PKIA: variants seen among roughly 807,000 people sequenced by gnomAD.
PKIA encodes PKI-alpha.
A neutral mutation model predicts 7.6 loss-of-function variants in PKIA; 4 were observed. That is an observed-to-expected ratio of 0.52 (90% CI 0.26 to 1.20). PKIA has a LOEUF of 1.20. PKIA is among the 50% of genes most tolerant of loss of function. The pLI is 0.13. For synonymous variants in PKIA, 21 were observed against 30.7 expected (o/e 0.68, Z 1.04); for missense variants, 73 against 86.2 (o/e 0.85, Z 0.61).
At chr8:78,528,745 T>A (rs566803321) in intron 1 of PKIA, among the ~76,000 whole-genome samples, 13 of 151,304 alleles carry the variant, frequency 8.6e-5, no homozygotes, top group African/African-American at 2.9e-4. Flanking sequence ...GGTGGGGGGA[T>A]CACCTGAGGC....
intron 1 of PKIA, chr8:78,533,977 AG>A (rs1388505488): frequency 6.6e-6 from 1 of 152,180 alleles, no homozygotes; most frequent in Non-Finnish European, 1.5e-5. Context: ...ACAAGATTAA[AG>A]GTTGATTGTC....
At chr8:78,551,504 C>T (rs1281197009) in intron 1 of PKIA, among the ~76,000 whole-genome samples, 1 of 151,986 alleles carries the variant, frequency 6.6e-6, no homozygotes, top group Non-Finnish European at 1.5e-5. Flanking sequence ...TAAACTTAAA[C>T]TGTAATCGTT....
chr8:78,523,599 A>C (rs1363935153), intron 1 of PKIA, among the ~76,000 whole-genome samples: 2 of 151,796 alleles, frequency 1.3e-5, no homozygotes, highest in Non-Finnish European at 2.9e-5. Context: ...TTCTTGCACA[A>C]CTCTCCATGA....
At chr8:78,582,266 G>C (rs993972544) in intron 2 of PKIA, among the ~76,000 whole-genome samples, 2 of 151,580 alleles carry the variant, frequency 1.3e-5, no homozygotes, top group Non-Finnish European at 2.9e-5. Flanking sequence ...CCCAGGACTG[G>C]GTAATTTATG....
rs34033112 is a variant in PKIA at position 78,552,329 on chromosome 8, T to TAA, written c.-156-20466_-156-20465dup. On this transcript the variant is annotated intron_variant, in intron 1 of 3. Coordinates refer to ENST00000396418, the MANE Select transcript of PKIA (RefSeq NM_006823.4). Reference sequence around the variant, plus strand: ...CATTTGACCGATTTTACCATTTTCTTAAAAAAAAAAAAAAAAAGGAAGTTG... The same window carrying TAA: ...CATTTGACCGATTTTACCATTTTCTTAAAAAAAAAAAAAAAAAAAGGAAGTTG... 8.3e-3 allele frequency among the ~76,000 whole-genome samples: 1,141 copies of TAA among 137,186 alleles called. 16 individuals carry two copies. The highest frequency in any genetic ancestry group is 0.028 in the African/African-American group (1,045 of 37,782). 90.0% of individuals were successfully genotyped at this position (137,186 alleles called of 152,430 possible). A position where few individuals can be genotyped will look rare whatever the true frequency, so the allele number is the denominator to read the frequency against.
intron 1 of PKIA, among the ~76,000 whole-genome samples, chr8:78,568,932 G>T (rs1422493222): frequency 6.6e-6 from 1 of 152,126 alleles, no homozygotes; most frequent in Non-Finnish European, 1.5e-5. Context: ...GCAGCACTGT[G>T]GTTCCCCCAC....
chr8:78,588,946 A>G (rs1017575425), intron 2 of PKIA, among the ~76,000 whole-genome samples: 10 of 152,100 alleles, frequency 6.6e-5, no homozygotes, highest in African/African-American at 2.4e-4. Context: ...TAAAAAATGC[A>G]GAGTTAAAAG....
In PKIA at chr8:78,604,580, A is replaced by G. The variant is rs1400777347; in HGVS notation, c.*2759A>G. On this transcript the variant is annotated 3_prime_UTR_variant, in exon 4 of 4. Coordinates refer to ENST00000396418, the MANE Select transcript of PKIA (RefSeq NM_006823.4). ...CAGATATGAGTAGGTCACATAAAGT[A>G]TATCTTTTTTAAAAAAAAGAAATTC... is the stretch of plus-strand genomic sequence containing the variant. 6.6e-6 allele frequency: 1 copy of G among 152,080 alleles called. No individual in the cohort carries two copies. The highest frequency in any genetic ancestry group is 6.6e-5 in the Admixed American group (1 of 15,230). 9.4% of individuals were successfully genotyped at this position (152,080 alleles called of 1,614,324 possible). A position where few individuals can be genotyped will look rare whatever the true frequency, so the allele number is the denominator to read the frequency against.
intron 1 of PKIA, among the ~76,000 whole-genome samples, chr8:78,537,866 A>C (rs2118394320): frequency 6.6e-6 from 1 of 152,130 alleles, no homozygotes; most frequent in African/African-American, 2.4e-5. Flanking sequence ...GTTCTTTTGA[A>C]CCACCATTGC....
rs116464687 is a variant in PKIA, at chr8:78,567,743, T to C, written c.-156-5068T>C. On this transcript the variant is annotated intron_variant, in intron 1 of 3. Transcript: ENST00000396418. ...TTTGGAAGTTTTCTGCACTGGAGAC[T>C]TATCTATCCCCCAGCCATTTATTAA... Among the ~76,000 whole-genome samples, 1,201 of 152,310 alleles carry C rather than the reference T, an allele frequency of 7.9e-3. 9 individuals carry two copies. Among genetic ancestry groups the C allele is most frequent in the African/African-American group, 0.027 (1,115 of 41,584 alleles).
intron 1 of PKIA, among the ~76,000 whole-genome samples, chr8:78,546,540 C>T (rs1806829650): frequency 6.6e-6 from 1 of 152,006 alleles, no homozygotes; most frequent in African/African-American, 2.4e-5. Context: ...TAAAAAAAAT[C>T]AAATCCTATT....
At chr8:78,579,477 TC>T (rs1807756452) in intron 2 of PKIA, among the ~76,000 whole-genome samples, 1 of 152,012 alleles carries the variant, frequency 6.6e-6, no homozygotes, top group Non-Finnish European at 1.5e-5. Context: ...AAAAGACTTT[TC>T]CAGCATTAGG....
chr8:78,599,224 C>T (rs1197010555), intron 3 of PKIA, among the ~76,000 whole-genome samples: 2 of 152,008 alleles, frequency 1.3e-5, no homozygotes. Flanking sequence ...CTGATAGTTC[C>T]TCCACCCATA....
At chr8:78,556,926 G>T (rs1414311532) in intron 1 of PKIA, among the ~76,000 whole-genome samples, 1 of 152,088 alleles carries the variant, frequency 6.6e-6, no homozygotes, top group Non-Finnish European at 1.5e-5. Context: ...TGTTATTTGT[G>T]AGTCTAATTA....
intron 2 of PKIA, among the ~76,000 whole-genome samples, chr8:78,587,244 T>G (rs1456169197): frequency 6.6e-6 from 1 of 152,224 alleles, no homozygotes; most frequent in Admixed American, 6.5e-5. Context: ...TTCCTTGGAC[T>G]CTTACAGAGC....
intron 1 of PKIA, among the ~76,000 whole-genome samples, chr8:78,526,953 C>T (rs912560607): frequency 2.6e-5 from 4 of 151,728 alleles, no homozygotes; most frequent in Non-Finnish European, 4.4e-5. Flanking sequence ...TGATATGGGC[C>T]ATTTGGGTTT....
intron 3 of PKIA, among the ~76,000 whole-genome samples, chr8:78,600,653 C>G (rs1808330975): frequency 6.6e-6 from 1 of 152,106 alleles, no homozygotes; most frequent in Non-Finnish European, 1.5e-5. Flanking sequence ...TCATGCGAGC[C>G]TCTCACAATA....
intron 1 of PKIA, among the ~76,000 whole-genome samples, chr8:78,565,540 A>C (rs556916130): frequency 6.6e-6 from 1 of 152,014 alleles, no homozygotes; most frequent in African/African-American, 2.4e-5. Context: ...ATATTCACCC[A>C]TATGACAAAT....
chr8:78,571,533 C>T (rs764988814), intron 1 of PKIA, among the ~76,000 whole-genome samples: 1 of 152,074 alleles, frequency 6.6e-6, no homozygotes. Flanking sequence ...ATAAATACTT[C>T]GACTTTCTCA....
Sources: gnomAD v4.1 joint callset for allele counts (sites outside exome capture counted in the v4.1 genomes callset) on GRCh38, gnomAD v4.1.1 for gene constraint, MANE v1.5 for transcripts, NCBI Gene and HGNC (gene_info 2026-07-23, HGNC 2026-07-21) for gene names.